The following DOCK4 variants were observed in gnomAD, a reference collection of about 807,000 sequenced individuals.
The protein encoded by DOCK4 is dedicator of cytokinesis protein 4.
DOCK4 carries 97 observed loss-of-function variants against 268.1 expected under a neutral mutation model. The ratio of observed to expected loss-of-function variants is 0.36; its 90% CI spans 0.31 to 0.43. The LOEUF (loss-of-function observed/expected upper bound fraction) is 0.43, where lower values mean the gene tolerates loss of function less well. DOCK4 is among the 20% of genes least tolerant of loss of function. The pLI, the probability that DOCK4 is intolerant of heterozygous loss-of-function variation, is 1.00. For missense variants in DOCK4, 2,145 were observed against 2,455.7 expected (o/e 0.87, Z 2.67); for synonymous variants, 954 against 887.2 (o/e 1.08, Z -1.34).
intron 7 of DOCK4, among the ~76,000 whole-genome samples, chr7:111,980,424 G>A (rs550651326): frequency 7.2e-5 from 11 of 152,326 alleles, no homozygotes; most frequent in Admixed American, 5.2e-4. Context: ...GCACCTATCA[G>A]TTACTCTAAC....
intron 1 of DOCK4, among the ~76,000 whole-genome samples, chr7:112,117,246 A>G (rs901194758): frequency 3.9e-5 from 6 of 152,244 alleles, no homozygotes; most frequent in Admixed American, 2.0e-4. Context: ...TCATTCACAA[A>G]TAAACTTCAG....
chr7:112,031,032 C>T (rs906042736), intron 1 of DOCK4, among the ~76,000 whole-genome samples: 4 of 152,188 alleles, frequency 2.6e-5, no homozygotes, highest in Non-Finnish European at 2.9e-5. Flanking sequence ...TCATGTAGTA[C>T]TGCCAACCAG....
intron 16 of DOCK4, among the ~76,000 whole-genome samples, chr7:111,889,483 T>C (rs1808116753): frequency 6.6e-6 from 1 of 152,068 alleles, no homozygotes; most frequent in Non-Finnish European, 1.5e-5. Flanking sequence ...ATTTTACTTA[T>C]GAATGCAAAC....
chr7:112,046,604 A>G (rs1315791253), intron 1 of DOCK4, among the ~76,000 whole-genome samples: 2 of 152,196 alleles, frequency 1.3e-5, no homozygotes, highest in African/African-American at 2.4e-5. Flanking sequence ...GGATCACTTG[A>G]GCCATGATCT....
chr7:111,953,105 T>G (rs563940247), intron 8 of DOCK4, among the ~76,000 whole-genome samples: 2 of 151,842 alleles, frequency 1.3e-5, no homozygotes, highest in Non-Finnish European at 2.9e-5. Context: ...TGCATGCCTG[T>G]GATCCCAAGT....
chr7:111,801,947 T>G (rs929456577), intron 30 of DOCK4, among the ~76,000 whole-genome samples: 1 of 151,586 alleles, frequency 6.6e-6, no homozygotes, highest in African/African-American at 2.4e-5. Flanking sequence ...ATTAACTGCC[T>G]GCCTTGGCCT....
chr7:112,033,082 A>G (rs1265823980), intron 1 of DOCK4, among the ~76,000 whole-genome samples: 7 of 152,178 alleles, frequency 4.6e-5, no homozygotes, highest in Non-Finnish European at 1.0e-4. Context: ...GAGACACAGT[A>G]TATTTTAAAA....
intron 1 of DOCK4, among the ~76,000 whole-genome samples, chr7:112,154,066 G>C (rs1383532452): frequency 6.6e-6 from 1 of 152,088 alleles, no homozygotes; most frequent in Non-Finnish European, 1.5e-5. Context: ...TGACCTCCCA[G>C]ACTCAAGCGA....
intron 1 of DOCK4, among the ~76,000 whole-genome samples, chr7:112,159,877 T>C (rs1016331684): frequency 1.4e-5 from 2 of 141,758 alleles, no homozygotes; most frequent in Non-Finnish European, 3.0e-5. Context: ...CATATACACA[T>C]ATATATATAC....
chr7:112,117,464 G>C (rs1157056533), intron 1 of DOCK4, among the ~76,000 whole-genome samples: 3 of 152,128 alleles, frequency 2.0e-5, no homozygotes, highest in Non-Finnish European at 4.4e-5. Flanking sequence ...TCCACCTCCA[G>C]GGTTCAAGCG....
intron 8 of DOCK4, among the ~76,000 whole-genome samples, chr7:111,953,195 T>G (rs529140412): frequency 7.0e-6 from 1 of 142,736 alleles, no homozygotes; most frequent in Admixed American, 6.8e-5. Flanking sequence ...GATAACAGAA[T>G]GAGACCTTGT....
chr7:111,905,516 C>T (rs1791487913), intron 13 of DOCK4, among the ~76,000 whole-genome samples: 1 of 152,176 alleles, frequency 6.6e-6, no homozygotes. Context: ...GATCCATTAA[C>T]AGCTTGACCT....
At chr7:112,027,033 C>T (rs1802860305) in intron 1 of DOCK4, among the ~76,000 whole-genome samples, 1 of 152,086 alleles carries the variant, frequency 6.6e-6, no homozygotes, top group African/African-American at 2.4e-5. Flanking sequence ...AACTCATTTG[C>T]TACTCAATGG....
chr7:112,074,854 T>C (rs1056285730), intron 1 of DOCK4, among the ~76,000 whole-genome samples: 1 of 152,198 alleles, frequency 6.6e-6, no homozygotes, highest in African/African-American at 2.4e-5. Flanking sequence ...GCAGCACTAG[T>C]AGAGCAGTAT....
chr7:112,111,297 G>C (rs185113927), intron 1 of DOCK4, among the ~76,000 whole-genome samples: 2 of 152,268 alleles, frequency 1.3e-5, no homozygotes, highest in East Asian at 3.9e-4. Context: ...GAGGATGCTA[G>C]GGGTATGACC....
chr7:111,773,702 G>A (rs1798266714), intron 36 of DOCK4, among the ~76,000 whole-genome samples: 1 of 152,220 alleles, frequency 6.6e-6, no homozygotes, highest in East Asian at 1.9e-4. Context: ...TCTAAGAACT[G>A]AGAAGACTAA....
intron 1 of DOCK4, among the ~76,000 whole-genome samples, chr7:112,198,277 G>A (rs1182019932): frequency 5.3e-5 from 8 of 151,998 alleles, no homozygotes; most frequent in Admixed American, 5.2e-4. Context: ...ACAGCAAGAA[G>A]ATGTCCACCT....
At chr7:111,986,197 T>C (rs1401836298) in intron 6 of DOCK4, among the ~76,000 whole-genome samples, 1 of 152,154 alleles carries the variant, frequency 6.6e-6, no homozygotes. Context: ...ACATTGGCTG[T>C]CAATAAGATT....
intron 8 of DOCK4, among the ~76,000 whole-genome samples, chr7:111,948,218 T>A (rs766658975): frequency 2.6e-5 from 4 of 152,204 alleles, no homozygotes; most frequent in African/African-American, 9.6e-5. Context: ...GGTACTATTA[T>A]AATGACCATT....
Sources: gnomAD v4.1 joint callset for allele counts (sites outside exome capture counted in the v4.1 genomes callset) on GRCh38, gnomAD v4.1.1 for gene constraint, MANE v1.5 for transcripts, NCBI Gene and HGNC (gene_info 2026-07-23, HGNC 2026-07-21) for gene names.